The following DACH1 variants were observed in gnomAD, a reference collection of about 807,000 sequenced individuals.
DACH1 encodes the protein dachshund family transcription factor 1, also known as dachshund homolog 1.
Under a neutral mutation model 54.2 loss-of-function variants are expected in DACH1, and 12 were observed. That is an observed-to-expected ratio of 0.22 (90% CI 0.14 to 0.36). The LOEUF (loss-of-function observed/expected upper bound fraction) is 0.36. DACH1 is among the 10% of genes least tolerant of loss of function. DACH1 has a pLI of 1.00. For synonymous variants in DACH1, 386 were observed against 366.2 expected (o/e 1.05, Z -0.62); for missense variants, 805 against 929.8 (o/e 0.87, Z 1.75).
At chr13:71,517,318 C>T (rs1253643579) in intron 6 of DACH1, among the ~76,000 whole-genome samples, 1 of 151,780 alleles carries the variant, frequency 6.6e-6, no homozygotes, top group African/African-American at 2.4e-5. Flanking sequence ...TAACATGAAT[C>T]TACACATTAT....
chr13:71,829,809 C>T (rs559578349), intron 1 of DACH1, among the ~76,000 whole-genome samples: 2 of 151,980 alleles, frequency 1.3e-5, no homozygotes, highest in African/African-American at 4.8e-5. Flanking sequence ...TTCAGCACCA[C>T]TAACAAAAAT....
intron 3 of DACH1, among the ~76,000 whole-genome samples, chr13:71,599,118 A>G (rs1370029273): frequency 2.6e-5 from 4 of 152,150 alleles, no homozygotes; most frequent in African/African-American, 9.7e-5. Flanking sequence ...TGATAAAATT[A>G]TTATAATTTT....
intron 1 of DACH1, among the ~76,000 whole-genome samples, chr13:71,843,413 T>A (rs569780908): frequency 8.3e-4 from 126 of 152,154 alleles, no homozygotes; most frequent in South Asian, 2.7e-3. Flanking sequence ...CACAGGTACA[T>A]GCCACCATGC....
chr13:71,742,960 C>T (rs1309661804), intron 1 of DACH1, among the ~76,000 whole-genome samples: 3 of 152,208 alleles, frequency 2.0e-5, no homozygotes, highest in African/African-American at 7.2e-5. Context: ...CCTAAAGTCA[C>T]ATAACATATG....
chr13:71,765,059 G>C (rs2138018576), intron 1 of DACH1, among the ~76,000 whole-genome samples: 1 of 152,198 alleles, frequency 6.6e-6, no homozygotes, highest in East Asian at 1.9e-4. Flanking sequence ...CTTCAAGTGA[G>C]GTAAGCAGGG....
At chr13:71,546,095 T>A (rs1255257589) in intron 6 of DACH1, among the ~76,000 whole-genome samples, 1 of 152,118 alleles carries the variant, frequency 6.6e-6, no homozygotes, top group Non-Finnish European at 1.5e-5. Flanking sequence ...ACATTTTACT[T>A]AAAGTAATTT....
chr13:71,570,142 C>T (rs1378123077), intron 4 of DACH1, among the ~76,000 whole-genome samples: 1 of 152,134 alleles, frequency 6.6e-6, no homozygotes, highest in East Asian at 1.9e-4. Context: ...TACATTTAGA[C>T]AGGTTGATTT....
intron 3 of DACH1, among the ~76,000 whole-genome samples, chr13:71,580,640 A>G (rs900070210): frequency 2.6e-5 from 4 of 152,168 alleles, no homozygotes; most frequent in Non-Finnish European, 4.4e-5. Context: ...TTCACAAGTG[A>G]GATGGTATGT....
intron 3 of DACH1, among the ~76,000 whole-genome samples, chr13:71,623,146 ATTTT>A (rs566886780): frequency 1.3e-5 from 2 of 151,692 alleles, no homozygotes; most frequent in African/African-American, 4.8e-5. Context: ...GTGAAAAATG[ATTTT>A]TTTAATATAG....
chr13:71,739,198 G>A (rs1237673786), intron 1 of DACH1, among the ~76,000 whole-genome samples: 2 of 152,056 alleles, frequency 1.3e-5, no homozygotes, highest in African/African-American at 4.8e-5. Context: ...GTTGTGGTGA[G>A]CCGAGATCGC....
chr13:71,640,940 T>G (rs1316498360), intron 2 of DACH1, among the ~76,000 whole-genome samples: 1 of 152,124 alleles, frequency 6.6e-6, no homozygotes, highest in Non-Finnish European at 1.5e-5. Flanking sequence ...CTCAATATCA[T>G]GCAAATCCTT....
intron 1 of DACH1, among the ~76,000 whole-genome samples, chr13:71,801,833 GC>G (rs1383038592): frequency 1.2e-4 from 18 of 148,492 alleles, no homozygotes; most frequent in Non-Finnish European, 2.5e-4. Flanking sequence ...TCTTTATCTT[GC>G]CCAGTACTGA....
chr13:71,805,679 A>G (rs541225101), intron 1 of DACH1, among the ~76,000 whole-genome samples: 1 of 152,332 alleles, frequency 6.6e-6, no homozygotes, highest in East Asian at 1.9e-4. Context: ...GAGTCTTCTG[A>G]AAATGCTTAG....
chr13:71,507,352 G>A (rs1248067471), intron 6 of DACH1, among the ~76,000 whole-genome samples: 1 of 152,020 alleles, frequency 6.6e-6, no homozygotes, highest in African/African-American at 2.4e-5. Flanking sequence ...TTTTAATATA[G>A]TGCCTCCTAT....
At chr13:71,566,298 C>T (rs534584220) in intron 4 of DACH1, among the ~76,000 whole-genome samples, 10 of 152,200 alleles carry the variant, frequency 6.6e-5, no homozygotes, top group South Asian at 6.2e-4. Flanking sequence ...TGTGGGGGTA[C>T]GACTACTTCA....
chr13:71,480,314 T>C (rs1319879947), intron 7 of DACH1, among the ~76,000 whole-genome samples: 1 of 152,198 alleles, frequency 6.6e-6, no homozygotes, highest in East Asian at 1.9e-4. Context: ...TAGGAAATGA[T>C]TAGACAGCAT....
intron 4 of DACH1, among the ~76,000 whole-genome samples, chr13:71,567,086 C>T (rs1475361611): frequency 3.3e-5 from 5 of 151,930 alleles, no homozygotes; most frequent in Non-Finnish European, 7.4e-5. Context: ...TTATAAACAG[C>T]GTTTTTCAAT....
Position 71,681,903 on chromosome 13 carries a change from G to T in DACH1, c.856C>A (p.Pro286Thr). The T allele has an allele frequency of 6.2e-7, 1 of 1,605,180 alleles. No individual in the cohort carries two copies. The change falls in exon 2 of 11, where the codon CCT (proline) becomes ACT (threonine). Residue 286 changes from proline to threonine, a missense_variant. Pro to Thr is a conservative substitution (Grantham distance 38, BLOSUM62 -1). This residue lies in a region of DACH1 where 472 missense variants were observed against 545.3 expected (regional missense o/e 0.87). Transcript: ENST00000613252. ...TGAGTCCTCTTAGGAGGCCTTCCAGGTCTAGAACTGAAACAAACAAACAAA... is the reference window on the plus strand; with the variant it reads ...TGAGTCCTCTTAGGAGGCCTTCCAGTTCTAGAACTGAAACAAACAAACAAA... The part of the protein sequence containing the change: ...YNDCTNASSR[P>T]GRPPKRTQSV...
chr13:71,743,205 A>G (rs1255407314), intron 1 of DACH1, among the ~76,000 whole-genome samples: 3 of 152,204 alleles, frequency 2.0e-5, no homozygotes, highest in African/African-American at 7.2e-5. Context: ...AGAAGGACAG[A>G]TCACTAAAGG....
Sources: allele counts gnomAD v4.1 joint callset (sites outside exome capture counted in the v4.1 genomes callset), GRCh38; gene constraint gnomAD v4.1.1; regional missense constraint gnomAD v4.1.1; transcripts MANE v1.5; gene names NCBI Gene and HGNC (gene_info 2026-07-23, HGNC 2026-07-21).